RBFOX1: variants seen among roughly 807,000 people sequenced by gnomAD.
The protein encoded by RBFOX1 is RNA binding fox-1 homolog 1.
A neutral mutation model predicts 57.7 loss-of-function variants in RBFOX1; 8 were observed. The ratio of observed to expected loss-of-function variants is 0.14; its 90% CI spans 0.08 to 0.25. RBFOX1 has a LOEUF of 0.25. Among genes scored for constraint, RBFOX1 ranks in the 10% least tolerant of loss-of-function variants. The pLI, the probability that RBFOX1 is intolerant of heterozygous loss-of-function variation, is 1.00. For synonymous variants in RBFOX1, 326 were observed against 222.4 expected (o/e 1.47, Z -4.15); for missense variants, 611 against 548.5 (o/e 1.11, Z -1.14).
intron 13 of RBFOX1, among the ~76,000 whole-genome samples, chr16:7,665,679 T>C (rs532075814): frequency 4.6e-5 from 7 of 152,194 alleles, no homozygotes; most frequent in Non-Finnish European, 1.0e-4. Context: ...GATATGAGCA[T>C]TGACGATATG....
At chr16:6,807,173 G>C (rs113879191) in intron 3 of RBFOX1, among the ~76,000 whole-genome samples, 5 of 151,886 alleles carry the variant, frequency 3.3e-5, no homozygotes, top group Non-Finnish European at 5.9e-5. Context: ...TACAATGTGA[G>C]AAACAGATTG....
chr16:7,171,183 A>G (rs77761490), intron 4 of RBFOX1, among the ~76,000 whole-genome samples: 1,741 of 152,318 alleles, frequency 0.011, 37 homozygotes, highest in African/African-American at 0.04. Flanking sequence ...GAGGAGCTGC[A>G]CAAATCACAG....
intron 2 of RBFOX1, among the ~76,000 whole-genome samples, chr16:6,330,149 T>C (rs146406164): frequency 6.6e-6 from 1 of 152,318 alleles, no homozygotes; most frequent in African/African-American, 2.4e-5. Context: ...TAATACTTAG[T>C]ATGCAAATAT....
At chr16:7,023,225 C>G (rs1331571898) in intron 3 of RBFOX1, among the ~76,000 whole-genome samples, 3 of 151,892 alleles carry the variant, frequency 2.0e-5, no homozygotes, top group Non-Finnish European at 4.4e-5. Context: ...GACTATAATC[C>G]TATCACTTTG....
At chr16:5,679,520 C>T (rs2050265519) in intron 3 of RBFOX1, among the ~76,000 whole-genome samples, 1 of 152,094 alleles carries the variant, frequency 6.6e-6, no homozygotes, top group African/African-American at 2.4e-5. Flanking sequence ...CACCCCCCGA[C>T]AGGTCCCGGT....
intron 3 of RBFOX1, among the ~76,000 whole-genome samples, chr16:6,858,816 G>C (rs1036529231): frequency 3.3e-5 from 5 of 152,010 alleles, no homozygotes; most frequent in African/African-American, 9.7e-5. Context: ...ATTCGCCTCT[G>C]CTGGTTAGAA....
At chr16:6,776,186 CAG>C (rs1158934242) in intron 3 of RBFOX1, among the ~76,000 whole-genome samples, 2 of 151,982 alleles carry the variant, frequency 1.3e-5, no homozygotes, top group African/African-American at 4.8e-5. Context: ...CCAGTGCAGA[CAG>C]ATCACTAGGT....
At chr16:6,185,346 C>G (rs113608308) in intron 1 of RBFOX1, among the ~76,000 whole-genome samples, 79 of 152,300 alleles carry the variant, frequency 5.2e-4, no homozygotes, top group African/African-American at 1.8e-3. Flanking sequence ...CAAGGCTTCC[C>G]TCCTGCCCAC....
chr16:5,877,351 G>C (rs774834006), intron 4 of RBFOX1, among the ~76,000 whole-genome samples: 1 of 152,196 alleles, frequency 6.6e-6, no homozygotes, highest in Admixed American at 6.5e-5. Context: ...AGGAGCCTGT[G>C]ATCTATGAAA....
chr16:7,037,777 A>T (rs2044958270), intron 3 of RBFOX1, among the ~76,000 whole-genome samples: 1 of 152,136 alleles, frequency 6.6e-6, no homozygotes, highest in Non-Finnish European at 1.5e-5. Flanking sequence ...TGAACCTTGG[A>T]AGTCTGGCTT....
At chr16:6,863,019 T>C (rs1302974797) in intron 3 of RBFOX1, among the ~76,000 whole-genome samples, 4 of 152,022 alleles carry the variant, frequency 2.6e-5, no homozygotes, top group Admixed American at 2.0e-4. Flanking sequence ...GCAGCTGATT[T>C]TTGAAGGAAT....
intron 2 of RBFOX1, among the ~76,000 whole-genome samples, chr16:5,558,024 T>G (rs897056093): frequency 6.6e-6 from 1 of 152,120 alleles, no homozygotes; most frequent in African/African-American, 2.4e-5. Flanking sequence ...GCGGCCCAAC[T>G]CCGGGGGAGG....
chr16:6,645,888 C>G (rs1012561210), intron 2 of RBFOX1, among the ~76,000 whole-genome samples: 22 of 152,212 alleles, frequency 1.4e-4, no homozygotes, highest in African/African-American at 5.3e-4. Flanking sequence ...AACTCGGCCT[C>G]CTTGTGCAGA....
At chr16:6,441,121 C>G (rs751004735) in intron 2 of RBFOX1, among the ~76,000 whole-genome samples, 3 of 152,206 alleles carry the variant, frequency 2.0e-5, no homozygotes, top group Non-Finnish European at 2.9e-5. Flanking sequence ...TGCCGTTGCT[C>G]TCATTGAGGA....
chr16:6,085,937 C>T (rs1422030989), intron 1 of RBFOX1, among the ~76,000 whole-genome samples: 2 of 152,028 alleles, frequency 1.3e-5, no homozygotes, highest in African/African-American at 2.4e-5. Context: ...AGGCATTAAG[C>T]CCCACATGCA....
intron 2 of RBFOX1, among the ~76,000 whole-genome samples, chr16:6,469,696 T>G (rs1597695653): frequency 6.6e-6 from 1 of 152,334 alleles, no homozygotes; most frequent in East Asian, 1.9e-4. Flanking sequence ...CATGTTTTAG[T>G]TGAATGCATG....
In RBFOX1 at chr16:6,637,903, G is replaced by T. The variant is rs73542198; in HGVS notation, c.-63-16700G>T. ...TGGAGACAGTGAATTACATTTTACA[G>T]GGATTTTACCCAAAAATGGTTAAAA... On this transcript the variant is annotated intron_variant, in intron 2 of 15. Coordinates refer to ENST00000550418, the MANE Select transcript of RBFOX1 (RefSeq NM_018723.4). 4.0e-3 allele frequency among the ~76,000 whole-genome samples: 606 copies of T among 152,160 alleles called. 4 individuals carry two copies. Among genetic ancestry groups the T allele is most frequent in the African/African-American group, 0.014 (578 of 41,540 alleles).
intron 4 of RBFOX1, among the ~76,000 whole-genome samples, chr16:5,920,020 G>T (rs191939693): frequency 1.3e-5 from 2 of 152,138 alleles, no homozygotes; most frequent in South Asian, 4.2e-4. Context: ...TGCAAGCTCC[G>T]CCTCCGGGCT....
intron 3 of RBFOX1, among the ~76,000 whole-genome samples, chr16:6,824,705 A>G (rs535951840): frequency 2.0e-5 from 3 of 152,234 alleles, no homozygotes; most frequent in South Asian, 2.1e-4. Context: ...TTTCTTGTAT[A>G]TACTCTCTGT....
Sources: allele counts gnomAD v4.1 joint callset (sites outside exome capture counted in the v4.1 genomes callset), GRCh38; gene constraint gnomAD v4.1.1; transcripts MANE v1.5; gene names NCBI Gene and HGNC (gene_info 2026-07-23, HGNC 2026-07-21).